PPIG: variants seen among roughly 807,000 people sequenced by gnomAD.
PPIG encodes the protein peptidylprolyl isomerase G.
Under a neutral mutation model 87.9 loss-of-function variants are expected in PPIG, and 26 were observed. The observed-to-expected ratio is 0.30, with a 90% CI of 0.22 to 0.41. The LOEUF (loss-of-function observed/expected upper bound fraction) is 0.41, where lower values mean the gene tolerates loss of function less well. PPIG is among the 10% of genes least tolerant of loss of function. The pLI, the probability that PPIG is intolerant of heterozygous loss-of-function variation, is 1.00. For missense variants in PPIG, 722 were observed against 879.4 expected (o/e 0.82, Z 2.26); for synonymous variants, 308 against 276.5 (o/e 1.11, Z -1.13).
chr2:169,634,526 A>G (rs772755048), intron 12 of PPIG, among the ~76,000 whole-genome samples: 1 of 152,078 alleles, frequency 6.6e-6, no homozygotes, highest in African/African-American at 2.4e-5. Flanking sequence ...GAGTACCTCA[A>G]ACTTGGCTTT....
At position 169,640,214 on chromosome 2, in the gene PPIG, G is replaced by A. The variant is rs1319622647; in HGVS notation, c.*2691G>A. 6.6e-6 allele frequency: 1 copy of A among 152,156 alleles called. No individual in the cohort carries two copies. The highest frequency in any genetic ancestry group is 1.5e-5 in the Non-Finnish European group (1 of 68,014). 9.4% of individuals were successfully genotyped at this position (152,156 alleles called of 1,614,324 possible). A position where few individuals can be genotyped will look rare whatever the true frequency, so the allele number is the denominator to read the frequency against. ...TACTTAATTGAAGCCCTCAGAAGTT[G>A]CAAAGAATTTATCTGATAAATCTGC... is the stretch of plus-strand genomic sequence containing the variant. On this transcript the variant is annotated 3_prime_UTR_variant, in exon 14 of 14. Transcript: ENST00000260970.
At chr2:169,590,288 C>T (rs1253708576) in intron 1 of PPIG, among the ~76,000 whole-genome samples, 1 of 152,054 alleles carries the variant, frequency 6.6e-6, no homozygotes, top group African/African-American at 2.4e-5. Context: ...ACAAAGGTTT[C>T]GAATTGTTGG....
chr2:169,597,411 ATCC>A (rs1685048349), intron 1 of PPIG, among the ~76,000 whole-genome samples: 1 of 151,730 alleles, frequency 6.6e-6, no homozygotes, highest in Admixed American at 6.6e-5. Flanking sequence ...CTCCCACCTG[ATCC>A]TCCTGAGTAG....
chr2:169,595,077 C>T (rs1684982924), intron 1 of PPIG, among the ~76,000 whole-genome samples: 1 of 152,082 alleles, frequency 6.6e-6, no homozygotes, highest in Non-Finnish European at 1.5e-5. Flanking sequence ...TACAGGTGCC[C>T]ACCACCTCAT....
intron 1 of PPIG, among the ~76,000 whole-genome samples, chr2:169,602,570 C>G (rs980799199): frequency 4.6e-5 from 7 of 152,196 alleles, no homozygotes; most frequent in Admixed American, 1.3e-4. Flanking sequence ...CCTCAGCCCC[C>G]CAAAGTGCTG....
chr2:169,585,287 A>T (rs1574429221), intron 1 of PPIG, among the ~76,000 whole-genome samples: 1 of 5,590 alleles, frequency 1.8e-4, no homozygotes, highest in Non-Finnish European at 5.1e-4. Flanking sequence ...TTTGAGACGG[A>T]GTCTCGCTCT....
Position 169,630,969 on chromosome 2 carries a change from G to A in PPIG, c.743G>A (p.Arg248Gln), listed in dbSNP as rs747049534. The A allele has an allele frequency of 1.4e-5, 23 of 1,593,808 alleles. No individual in the cohort carries two copies. The highest frequency in any genetic ancestry group is 2.3e-5 in the South Asian group (2 of 85,996). ...SRKHKKEKKK[R>Q]KKSKKSASSE... ...AAACACAAGAAAGAAAAGAAAAAGCGAAAGAAAAGCAAGAAGAGGTCTTAA... is the reference window on the plus strand; with the variant it reads ...AAACACAAGAAAGAAAAGAAAAAGCAAAAGAAAAGCAAGAAGAGGTCTTAA... The change falls in exon 10 of 14, where the codon CGA becomes CAA. Residue 248 changes from arginine (R) to glutamine (Q), a missense_variant. Arg to Gln is a conservative substitution (Grantham distance 43, BLOSUM62 1). Coordinates refer to ENST00000260970, the MANE Select transcript of PPIG (RefSeq NM_004792.3).
Position 169,637,437 on chromosome 2 carries a change from G to T in PPIG, c.2179G>T (p.Gly727Cys). The part of the protein sequence containing the change: ...SVEKENQKSK[G>C]QENDHVHEKN... ...GGAAAAAGAAAACCAAAAATCAAAA[G>T]GTCAAGAAAATGACCATGTACATGA... Residue 727 changes from glycine to cysteine, a missense_variant, in exon 14 of 14, where the codon GGT becomes TGT. This residue lies in a region of PPIG where 476 missense variants were observed against 483.1 expected (regional missense o/e 0.99). Transcript: ENST00000260970. 1 of 1,611,928 alleles carries T rather than the reference G, an allele frequency of 6.2e-7. No individual in the cohort carries two copies. Among genetic ancestry groups the T allele is most frequent in the East Asian group, 2.2e-5 (1 of 44,788 alleles).
intron 11 of PPIG, among the ~76,000 whole-genome samples, 167 bp from the exon 12 acceptor site, chr2:169,632,993 G>C (rs958614177): frequency 1.3e-5 from 2 of 151,260 alleles, no homozygotes; most frequent in Non-Finnish European, 2.9e-5. Flanking sequence ...AGCCAGGATG[G>C]TCTCCATCTC....
chr2:169,615,780 C>A (rs1574454198), intron 9 of PPIG, among the ~76,000 whole-genome samples: 1 of 152,302 alleles, frequency 6.6e-6, no homozygotes, highest in Non-Finnish European at 1.5e-5. Flanking sequence ...ATCTCTTCAA[C>A]ACACTGATCT....
In PPIG at chr2:169,637,455, G is replaced by C. The variant is rs1348834076; in HGVS notation, c.2197G>C (p.Val733Leu). Residue 733 changes from valine to leucine, a missense_variant, in exon 14 of 14, where the codon GTA (valine) becomes CTA (leucine). Val to Leu is a conservative substitution (Grantham distance 32, BLOSUM62 1). This residue lies in a region of PPIG where 476 missense variants were observed against 483.1 expected (regional missense o/e 0.99). Transcript: ENST00000260970. ...QKSKGQENDHVHEKNKKFDHE... is the reference protein window; with the variant it reads ...QKSKGQENDHLHEKNKKFDHE... ...ATCAAAAGGTCAAGAAAATGACCATGTACATGAAAAAAATAAAAAATTTGA... is the reference window on the plus strand; with the variant it reads ...ATCAAAAGGTCAAGAAAATGACCATCTACATGAAAAAAATAAAAAATTTGA... The C allele has an allele frequency of 6.2e-7, 1 of 1,606,036 alleles. No homozygotes were observed. Among genetic ancestry groups the C allele is most frequent in the Admixed American group, 1.7e-5 (1 of 58,170 alleles).
chr2:169,599,816 C>T (rs1685126694), intron 1 of PPIG, among the ~76,000 whole-genome samples: 1 of 152,102 alleles, frequency 6.6e-6, no homozygotes, highest in South Asian at 2.1e-4. Context: ...GCCCTAGTGC[C>T]CCCATTCCTA....
rs1350258762 is a variant in PPIG, at chr2:169,584,373, G to A, written c.-187G>A. The A allele has an allele frequency of 4.2e-6, 2 of 471,084 alleles. No homozygotes were observed. Among genetic ancestry groups the A allele is most frequent in the African/African-American group, 4.0e-5 (2 of 50,098 alleles). 29.2% of individuals were successfully genotyped at this position (471,084 alleles called of 1,614,324 possible). A position where few individuals can be genotyped will look rare whatever the true frequency, so the allele number is the denominator to read the frequency against. On this transcript the variant is annotated 5_prime_UTR_variant, in exon 1 of 14. Transcript: ENST00000260970. ...GGTGCGACGCTGTCTCTCCATGCCA[G>A]GACTGAGTTGTGGGGGAGGGAGGCG... is the stretch of plus-strand genomic sequence containing the variant.
At chr2:169,632,475 C>T (rs193249121) in intron 11 of PPIG, among the ~76,000 whole-genome samples, 2 of 152,272 alleles carry the variant, frequency 1.3e-5, no homozygotes, top group African/African-American at 4.8e-5. Context: ...GGCGCAGTGG[C>T]TCACGCCTGT....
rs549726135 is a variant in PPIG at position 169,584,370 on chromosome 2, C to T, written c.-190C>T. On this transcript the variant is annotated 5_prime_UTR_variant, in exon 1 of 14. Transcript: ENST00000260970. Reference sequence around the variant, plus strand: ...TCCGGTGCGACGCTGTCTCTCCATGCCAGGACTGAGTTGTGGGGGAGGGAG... The same window carrying T: ...TCCGGTGCGACGCTGTCTCTCCATGTCAGGACTGAGTTGTGGGGGAGGGAG... The T allele has an allele frequency of 2.1e-6, 1 of 471,040 alleles. No individual in the cohort carries two copies. Among genetic ancestry groups the T allele is most frequent in the Non-Finnish European group, 4.4e-6 (1 of 227,066 alleles). 29.2% of individuals were successfully genotyped at this position (471,040 alleles called of 1,614,324 possible). A position where few individuals can be genotyped will look rare whatever the true frequency, so the allele number is the denominator to read the frequency against.
chr2:169,590,998 C>A (rs1470046581), intron 1 of PPIG, among the ~76,000 whole-genome samples: 3 of 152,154 alleles, frequency 2.0e-5, no homozygotes, highest in Non-Finnish European at 1.5e-5. Flanking sequence ...CATAGCGAGA[C>A]CCTGTCTCTA....
intron 9 of PPIG, among the ~76,000 whole-genome samples, chr2:169,623,304 T>C (rs1574459106): frequency 6.6e-6 from 1 of 152,346 alleles, no homozygotes; most frequent in East Asian, 1.9e-4. Context: ...ATCATGCTGT[T>C]CAATTCAGAG....
chr2:169,607,677 T>C (rs1315607444), intron 6 of PPIG, among the ~76,000 whole-genome samples: 1 of 152,218 alleles, frequency 6.6e-6, no homozygotes, highest in African/African-American at 2.4e-5. Context: ...TTTAGTGAAA[T>C]GTTGTTTAAA....
In PPIG at chr2:169,584,633, G is replaced by T. The variant is rs577284819; in HGVS notation, c.-70+143G>T. On this transcript the variant is annotated intron_variant, in intron 1 of 13. Coordinates refer to ENST00000260970, the MANE Select transcript of PPIG (RefSeq NM_004792.3). ...ACCGTCTTTCCCTCGAGGTATCGGG[G>T]CTGCTTGGGCCCAGAGGAAGTCCCT... is the stretch of plus-strand genomic sequence containing the variant. 1.4e-4 allele frequency: 60 copies of T among 417,656 alleles called. No homozygotes were observed. The East Asian group carries it at 2.2e-3, about 16-fold the overall frequency. The allele number at this position is 417,656 out of a possible 1,614,324, so 25.9% of individuals were successfully genotyped here.
Sources: gnomAD v4.1 joint callset for allele counts (sites outside exome capture counted in the v4.1 genomes callset) on GRCh38, gnomAD v4.1.1 for gene constraint, gnomAD v4.1.1 regional missense constraint, MANE v1.5 for transcripts, NCBI Gene and HGNC (gene_info 2026-07-23, HGNC 2026-07-21) for gene names.